Variants in SLC39A13 observed in about 807,000 individuals in gnomAD.
The protein encoded by SLC39A13 is zinc transporter ZIP13.
A neutral mutation model predicts 38.7 loss-of-function variants in SLC39A13; 18 were observed. That is an observed-to-expected ratio of 0.47 (90% CI 0.32 to 0.69). The LOEUF is 0.69. SLC39A13 is among the 30% of genes least tolerant of loss of function. The pLI, the probability that SLC39A13 is intolerant of heterozygous loss-of-function variation, is 0.03. For missense variants in SLC39A13, 395 were observed against 490.7 expected, an observed-to-expected ratio of 0.80 and a Z score of 1.84; for synonymous variants, 212 against 219.1, an observed-to-expected ratio of 0.97 and a Z score of 0.29.
rs996668884 is a variant in SLC39A13 at position 47,412,367 on chromosome 11, A to C, written c.437A>C (p.Gln146Pro). 6.8e-6 allele frequency: 11 copies of C among 1,613,878 alleles called. No homozygotes were observed. The highest frequency in any genetic ancestry group is 8.5e-6 in the Non-Finnish European group (10 of 1,179,912). ...GCAGGTGGTGAGGGGCAGAGCCTGC[A>C]GCAGCAGCAACAGCTGGGGCTGTGG... ...ASPGGEGQSL[Q>P]QQQQLGLWVI... The change falls in exon 4 of 10, where the codon CAG becomes CCG. Residue 146 changes from glutamine (Q) to proline (P), a missense_variant. Gln to Pro is a moderately conservative substitution (Grantham distance 76, BLOSUM62 -1). Transcript: ENST00000362021.
In SLC39A13 at chr11:47,415,664, G is replaced by A. The variant is rs1296278063; in HGVS notation, c.*301G>A. ...ACCTTCACCTCCCGGAGTAAGCAGC[G>A]AGGAAGAGCAGCACTGGTCCCAAGC... On this transcript the variant is annotated 3_prime_UTR_variant, in exon 10 of 10. Transcript: ENST00000362021. 8.0e-6 allele frequency: 4 copies of A among 498,974 alleles called. No individual in the cohort carries two copies. Among genetic ancestry groups the A allele is most frequent in the African/African-American group, 3.9e-5 (2 of 51,594 alleles). 30.9% of individuals were successfully genotyped at this position (498,974 alleles called of 1,614,324 possible).
chr11:47,407,526 C>T (rs967332451), upstream of SLC39A13: 1 of 152,260 alleles, frequency 6.6e-6, no homozygotes, highest in Non-Finnish European at 1.5e-5. Context: ...GTCGCTATCT[C>T]TGCCCAAGTG....
At chr11:47,413,096 A>C (rs1326074640) in intron 4 of SLC39A13, among the ~76,000 whole-genome samples, 2 of 151,862 alleles carry the variant, frequency 1.3e-5, no homozygotes, top group Admixed American at 1.3e-4. Flanking sequence ...ATCTCGGCTC[A>C]CTACAGCTTT....
At position 47,416,469 on chromosome 11, in the gene SLC39A13, T is replaced by TAA. The variant is rs2096028619; in HGVS notation, c.*1107_*1108dup. 1 of 152,234 alleles carries TAA rather than the reference T, an allele frequency of 6.6e-6. No homozygotes were observed. Among genetic ancestry groups the TAA allele is most frequent in the Non-Finnish European group, 1.5e-5 (1 of 68,040 alleles). 9.4% of individuals were successfully genotyped at this position (152,234 alleles called of 1,614,324 possible). On this transcript the variant is annotated 3_prime_UTR_variant, in exon 10 of 10. Coordinates refer to ENST00000362021, the MANE Select transcript of SLC39A13 (RefSeq NM_001128225.3). ...TATCTGTAAATATTTGTTCTATAGA[T>TAA]AAGATACAAATAAATATTATCCACA...
chr11:47,414,582 C>A, intron 7 of SLC39A13, 107 bp downstream of exon 7: 1 of 1,506,536 alleles, frequency 6.6e-7, no homozygotes, highest in Non-Finnish European at 9.1e-7. Context: ...TCCAGCATGG[C>A]ACTCTGGGGC....
chr11:47,409,904 A>G (rs554703195), intron 1 of SLC39A13, 183 bp from the exon 2 acceptor site: 1 of 650,400 alleles, frequency 1.5e-6, no homozygotes, highest in South Asian at 1.8e-5. Flanking sequence ...GCTCAGGAGT[A>G]GGGTGTGGAG....
chr11:47,412,297 C>A, intron 3 of SLC39A13, 49 bp from the exon 4 acceptor site: 1 of 1,585,958 alleles, frequency 6.3e-7, no homozygotes, highest in Non-Finnish European at 8.6e-7. Flanking sequence ...CCTCCTATGG[C>A]CCTGGCTTGG....
At chr11:47,412,279 A>C in intron 3 of SLC39A13, 67 bp from the exon 4 acceptor site, 1 of 1,559,232 alleles carries the variant, frequency 6.4e-7, no homozygotes, top group Non-Finnish European at 8.7e-7. Flanking sequence ...TCCCATTCCA[A>C]ATGGCCCCCT....
intron 1 of SLC39A13, among the ~76,000 whole-genome samples, chr11:47,409,365 A>G (rs189202323): frequency 1.8e-4 from 27 of 152,274 alleles, no homozygotes; most frequent in Admixed American, 1.8e-3. Flanking sequence ...TTTCAGGCTT[A>G]TCTCGTCCTC....
intron 1 of SLC39A13, chr11:47,409,728 G>A (rs2095987579): frequency 3.4e-6 from 1 of 291,818 alleles, no homozygotes; most frequent in African/African-American, 2.2e-5. Flanking sequence ...GGTGTCGCGG[G>A]CGGCAGGGCC....
intron 2 of SLC39A13, 102 bp downstream of exon 2, chr11:47,410,497 G>A: frequency 4.2e-6 from 6 of 1,438,540 alleles, no homozygotes; most frequent in Non-Finnish European, 5.8e-6. Context: ...GAGATGGAGG[G>A]AGAGGATAGA....
chr11:47,413,311 C>A, intron 4 of SLC39A13, 89 bp from the exon 5 acceptor site: 1 of 1,356,432 alleles, frequency 7.4e-7, no homozygotes, highest in Non-Finnish European at 1.0e-6. Flanking sequence ...CAGCCCCCGT[C>A]TCTCTTTCTC....
intron 6 of SLC39A13, 73 bp downstream of exon 6, chr11:47,413,759 T>C: frequency 6.6e-7 from 1 of 1,515,016 alleles, no homozygotes; most frequent in Middle Eastern, 1.7e-4. Flanking sequence ...GTGTCTGGAG[T>C]CTCTGCTTCT....
chr11:47,410,648 G>A (rs543454158), intron 2 of SLC39A13, among the ~76,000 whole-genome samples: 4 of 152,232 alleles, frequency 2.6e-5, no homozygotes. Flanking sequence ...GGGCACGGGT[G>A]GGAGCTTTGT....
intron 6 of SLC39A13, 43 bp from the exon 7 acceptor site, chr11:47,414,382 G>T (rs745514335): frequency 1.3e-6 from 2 of 1,586,390 alleles, no homozygotes; most frequent in South Asian, 1.1e-5. Flanking sequence ...GGGGTGCTCA[G>T]CCCTCAACAC....
intron 1 of SLC39A13, 169 bp from the exon 2 acceptor site, chr11:47,409,918 C>T: frequency 2.8e-6 from 2 of 709,076 alleles, no homozygotes; most frequent in Non-Finnish European, 4.8e-6. Flanking sequence ...TGTGGAGACA[C>T]AGGGCCCCAT....
rs867142134 is a variant in SLC39A13, at chr11:47,410,474, T to A, written c.301+79T>A. ...GCTGCTCTTCTTAGGAGACCCCAGG[T>A]CACAGAGTGTCTGAGATGGAGGGAG... On this transcript the variant is annotated intron_variant, in intron 2 of 9. Coordinates refer to ENST00000362021, the MANE Select transcript of SLC39A13 (RefSeq NM_001128225.3). The A allele has an allele frequency of 5.8e-6, 9 of 1,539,406 alleles. No homozygotes were observed. In the Middle Eastern group the frequency reaches 5.1e-4, roughly 87 times the overall value.
Position 47,415,132 on chromosome 11 carries a change from C to T in SLC39A13, c.1013C>T (p.Pro338Leu), listed in dbSNP as rs1357317990. The T allele has an allele frequency of 6.2e-7, 1 of 1,612,660 alleles. No individual in the cohort carries two copies. The highest frequency in any genetic ancestry group is 1.3e-5 in the African/African-American group (1 of 74,864). Residue 338 changes from proline (P) to leucine (L), a missense_variant, in exon 9 of 10, where the codon CCT becomes CTT. Pro to Leu is a moderately conservative substitution (Grantham distance 98). Coordinates refer to ENST00000362021, the MANE Select transcript of SLC39A13 (RefSeq NM_001128225.3). ...FLYIALVNVL[P>L]DLLEEEDPWR... Reference sequence around the variant, plus strand: ...TACATCGCCTTGGTGAACGTGCTCCCTGACCTCTTGGAAGAAGAGGACCCG... The same window carrying T: ...TACATCGCCTTGGTGAACGTGCTCCTTGACCTCTTGGAAGAAGAGGACCCG...
chr11:47,413,188 T>G (rs1325275246), intron 4 of SLC39A13, among the ~76,000 whole-genome samples: 6 of 152,158 alleles, frequency 3.9e-5, no homozygotes, highest in Admixed American at 3.3e-4. Flanking sequence ...GTATTTTTAG[T>G]AGAGGTGGGG....
Sources: allele counts gnomAD v4.1 joint callset (sites outside exome capture counted in the v4.1 genomes callset), GRCh38; gene constraint gnomAD v4.1.1; transcripts MANE v1.5; gene names NCBI Gene and HGNC (gene_info 2026-07-23, HGNC 2026-07-21).